Variants in TTC7B observed in about 807,000 individuals in gnomAD.
The protein encoded by TTC7B is tetratricopeptide repeat domain 7B.
A neutral mutation model predicts 106.8 loss-of-function variants in TTC7B; 28 were observed. The ratio of observed to expected loss-of-function variants is 0.26; its 90% CI spans 0.19 to 0.36. The LOEUF (loss-of-function observed/expected upper bound fraction) is 0.36, where lower values mean the gene tolerates loss of function less well. Ranked by LOEUF, TTC7B falls within the 10% of genes least tolerant of loss-of-function variation. The pLI is 1.00. For missense variants in TTC7B, 862 were observed against 1,076.4 expected (o/e 0.80, Z 2.79); for synonymous variants, 405 against 430.6 (o/e 0.94, Z 0.74).
intron 19 of TTC7B, among the ~76,000 whole-genome samples, chr14:90,574,610 C>T (rs780116784): frequency 6.6e-6 from 1 of 152,232 alleles, no homozygotes; most frequent in Non-Finnish European, 1.5e-5. Flanking sequence ...TAAAGTCACT[C>T]TTGCTTTTTA....
intron 5 of TTC7B, among the ~76,000 whole-genome samples, chr14:90,709,198 A>G (rs2139964492): frequency 6.6e-6 from 1 of 151,976 alleles, no homozygotes; most frequent in East Asian, 1.9e-4. Context: ...ATATACCCAA[A>G]GGATTATAAA....
intron 18 of TTC7B, among the ~76,000 whole-genome samples, chr14:90,592,557 A>G (rs1892004028): frequency 6.6e-6 from 1 of 151,942 alleles, no homozygotes; most frequent in South Asian, 2.1e-4. Context: ...AAAAACACAA[A>G]AATTAGCTGG....
chr14:90,649,554 A>G (rs958392164), intron 13 of TTC7B, among the ~76,000 whole-genome samples: 3 of 152,236 alleles, frequency 2.0e-5, no homozygotes, highest in African/African-American at 4.8e-5. Context: ...CTCCGTGCCC[A>G]TAAACTGAAC....
intron 15 of TTC7B, among the ~76,000 whole-genome samples, chr14:90,641,926 T>C (rs1422600609): frequency 1.5e-5 from 2 of 130,362 alleles, no homozygotes; most frequent in Admixed American, 7.4e-5. Flanking sequence ...AGAGCTTGTG[T>C]GTGTGTGCGT....
At chr14:90,761,507 T>C (rs1461861469) in intron 3 of TTC7B, among the ~76,000 whole-genome samples, 3 of 152,226 alleles carry the variant, frequency 2.0e-5, no homozygotes, top group Non-Finnish European at 4.4e-5. Context: ...TGCCACACTA[T>C]CCTTGAAAAA....
At chr14:90,798,725 A>AC (rs2030043675) in intron 1 of TTC7B, among the ~76,000 whole-genome samples, 6 of 151,148 alleles carry the variant, frequency 4.0e-5, no homozygotes, top group African/African-American at 1.5e-4. Flanking sequence ...AAAAAAAAAA[A>AC]AAAAAAACAC....
At chr14:90,617,200 T>G (rs577120146) in intron 16 of TTC7B, among the ~76,000 whole-genome samples, 3 of 152,202 alleles carry the variant, frequency 2.0e-5, no homozygotes, top group Non-Finnish European at 4.4e-5. Context: ...CGCGGAAAAC[T>G]GATAATAAAG....
At chr14:90,562,430 C>G (rs1293783850) in intron 19 of TTC7B, among the ~76,000 whole-genome samples, 1 of 152,202 alleles carries the variant, frequency 6.6e-6, no homozygotes, top group East Asian at 1.9e-4. Flanking sequence ...TACTTTTCAC[C>G]TAACCTATCC....
In TTC7B at chr14:90,607,940, C is replaced by A. The variant is rs148168330; in HGVS notation, c.1966+2802G>T. On this transcript the variant is annotated intron_variant, in intron 17 of 19. Coordinates refer to ENST00000328459, the MANE Select transcript of TTC7B (RefSeq NM_001010854.2). The stretch of plus-strand genomic sequence containing the variant: ...TAATAAATACAGTTATTTTTAGGAA[C>A]AAATAAGATGGATGGGCAGGGGTGG... Among the ~76,000 whole-genome samples the A allele has an allele frequency of 7.9e-5, 12 of 152,290 alleles. No individual in the cohort carries two copies. The East Asian group carries it at 2.3e-3, about 29-fold the overall frequency.
intron 3 of TTC7B, among the ~76,000 whole-genome samples, chr14:90,749,488 C>G (rs1297851621): frequency 6.6e-6 from 1 of 150,878 alleles, no homozygotes. Flanking sequence ...TCACTGCAAC[C>G]TCCACCTCCC....
At chr14:90,687,171 C>A (rs1188891590) in intron 7 of TTC7B, among the ~76,000 whole-genome samples, 1 of 152,080 alleles carries the variant, frequency 6.6e-6, no homozygotes, top group Non-Finnish European at 1.5e-5. Flanking sequence ...GAATTGCACA[C>A]CTTCAATGGA....
intron 3 of TTC7B, among the ~76,000 whole-genome samples, chr14:90,765,746 G>A (rs188832899): frequency 3.2e-4 from 49 of 152,278 alleles, no homozygotes; most frequent in African/African-American, 1.2e-3. Context: ...CAGGAGCTAG[G>A]GTGGGCAAAG....
chr14:90,646,922 C>T, intron 14 of TTC7B, 29 bp downstream of exon 14: 1 of 1,591,252 alleles, frequency 6.3e-7, no homozygotes, highest in Non-Finnish European at 8.6e-7. Context: ...CAGAGTGCAG[C>T]AAGTATAGGA....
chr14:90,614,878 A>T (rs1893007938), intron 16 of TTC7B, among the ~76,000 whole-genome samples: 1 of 152,226 alleles, frequency 6.6e-6, no homozygotes, highest in South Asian at 2.1e-4. Context: ...CCTTCTGGTG[A>T]GATTCTGGTC....
intron 17 of TTC7B, among the ~76,000 whole-genome samples, chr14:90,594,490 CT>C (rs1220844917): frequency 1.3e-5 from 2 of 152,100 alleles, no homozygotes; most frequent in Admixed American, 6.6e-5. Context: ...AACATTCACT[CT>C]TGGAGATGTG....
intron 19 of TTC7B, among the ~76,000 whole-genome samples, chr14:90,542,613 G>A (rs1026968480): frequency 6.6e-6 from 1 of 152,100 alleles, no homozygotes; most frequent in East Asian, 1.9e-4. Flanking sequence ...GCACCTCTTT[G>A]TTCTTTAGAT....
chr14:90,542,459 C>T (rs1015636144), intron 19 of TTC7B, among the ~76,000 whole-genome samples: 4 of 152,070 alleles, frequency 2.6e-5, no homozygotes, highest in African/African-American at 4.8e-5. Flanking sequence ...TTCCAAGCTG[C>T]GCACCTCTAT....
At chr14:90,717,542 G>A (rs897407357) in intron 5 of TTC7B, among the ~76,000 whole-genome samples, 3 of 152,070 alleles carry the variant, frequency 2.0e-5, no homozygotes, top group African/African-American at 7.2e-5. Context: ...GAAGGCTCTA[G>A]TGTATCCTAA....
chr14:90,729,077 C>A (rs1203740650), intron 5 of TTC7B, among the ~76,000 whole-genome samples: 1 of 152,198 alleles, frequency 6.6e-6, no homozygotes, highest in Non-Finnish European at 1.5e-5. Flanking sequence ...TGTGTCACAG[C>A]CTTTTGTAGG....
Sources: allele counts gnomAD v4.1 joint callset (sites outside exome capture counted in the v4.1 genomes callset), GRCh38; gene constraint gnomAD v4.1.1; transcripts MANE v1.5; gene names NCBI Gene and HGNC (gene_info 2026-07-23, HGNC 2026-07-21).